The following CCDC66 variants were observed in gnomAD, a reference collection of about 807,000 sequenced individuals.
CCDC66 encodes the protein coiled-coil domain containing 66.
Under a neutral mutation model 128.3 loss-of-function variants are expected in CCDC66, and 133 were observed. The ratio of observed to expected loss-of-function variants is 1.04; its 90% CI spans 0.90 to 1.20. CCDC66 has a LOEUF of 1.20. Ranked by LOEUF, CCDC66 falls within the 50% of genes most tolerant of loss-of-function variation. The pLI is 0.00. For missense variants in CCDC66, 1,126 were observed against 1,075.5 expected (o/e 1.05, Z -0.66); for synonymous variants, 387 against 357.0 (o/e 1.08, Z -0.95).
Position 56,563,839 on chromosome 3 carries a change from A to C in CCDC66, c.258A>C (p.Gly86=). The change falls in exon 4 of 18, where the codon GGA becomes GGC. Residue 86 remains glycine (G), a synonymous_variant. Coordinates refer to ENST00000394672, the MANE Select transcript of CCDC66 (RefSeq NM_001141947.3). ...ETSQAKGEKN[G]MTFSSTKDLC... ...CACAGGCAAAAGGTGAAAAAAATGGAATGACTTTTTCATCCACTAAGGATT... is the reference window on the plus strand; with the variant it reads ...CACAGGCAAAAGGTGAAAAAAATGGCATGACTTTTTCATCCACTAAGGATT... 2 of 1,570,838 alleles carry C rather than the reference A, an allele frequency of 1.3e-6. No individual in the cohort carries two copies. The highest frequency in any genetic ancestry group is 8.6e-7 in the Non-Finnish European group (1 of 1,156,698).
intron 7 of CCDC66, among the ~76,000 whole-genome samples, chr3:56,571,978 C>G (rs867440602): frequency 1.3e-5 from 2 of 152,252 alleles, no homozygotes; most frequent in African/African-American, 4.8e-5. Flanking sequence ...ACCTTGGCCT[C>G]CTGAGTAGCT....
At chr3:56,611,790 C>T (rs550695207) in intron 10 of CCDC66, among the ~76,000 whole-genome samples, 39 of 152,222 alleles carry the variant, frequency 2.6e-4, no homozygotes, top group Middle Eastern at 3.4e-3. Context: ...TCACTGGGCT[C>T]GGCTCTCTAA....
intron 7 of CCDC66, among the ~76,000 whole-genome samples, chr3:56,577,076 G>A (rs1208920092): frequency 2.0e-5 from 3 of 151,804 alleles, no homozygotes; most frequent in Non-Finnish European, 4.4e-5. Context: ...ATCCTCTCTA[G>A]CACCTGTTGT....
chr3:56,615,187 G>A lies in CCDC66; in HGVS notation c.1626G>A (p.Leu542=). 6.2e-7 allele frequency: 1 copy of A among 1,613,982 alleles called. No homozygotes were observed. The highest frequency in any genetic ancestry group is 2.2e-5 in the East Asian group (1 of 44,870). The change falls in exon 12 of 18, where the codon CTG becomes CTA. Residue 542 remains leucine, a synonymous_variant. Transcript: ENST00000394672. ...LFQTMQRAQE[L]AQRLKQEQRI... is the part of the protein sequence containing the mutation. ...AGACAATGCAGCGAGCACAGGAACT[G>A]GCACAGAGACTAAAACAAGAACAAA...
chr3:56,617,769 A>G, intron 14 of CCDC66, 164 bp downstream of exon 14: 1 of 762,110 alleles, frequency 1.3e-6, no homozygotes, highest in African/African-American at 1.8e-5. Flanking sequence ...GTTTTTGGAA[A>G]GTTTTATACG....
At chr3:56,616,364 A>C in intron 13 of CCDC66, 1 of 271,842 alleles carries the variant, frequency 3.7e-6, no homozygotes. Context: ...TCCAGTTAAC[A>C]TTCTGTCTCT....
chr3:56,610,632 G>T (rs539704591), intron 10 of CCDC66, among the ~76,000 whole-genome samples: 2 of 152,260 alleles, frequency 1.3e-5, no homozygotes, highest in African/African-American at 4.8e-5. Context: ...TTTTGGGGGG[G>T]TGTTGACGAG....
In CCDC66 at chr3:56,593,926, A is replaced by C; in HGVS notation, c.1320-18A>C. On this transcript the variant is annotated intron_variant, in intron 9 of 17. Coordinates refer to ENST00000394672, the MANE Select transcript of CCDC66 (RefSeq NM_001141947.3). ...ACCTTTTTGAGGTTTTGAATAGCTA[A>C]TGTATGTATCTTGCCAGCTTTCTCC... The C allele has an allele frequency of 6.2e-7, 1 of 1,613,030 alleles. No individual in the cohort carries two copies. The highest frequency in any genetic ancestry group is 8.5e-7 in the Non-Finnish European group (1 of 1,179,020).
At chr3:56,619,689 A>T in intron 16 of CCDC66, 88 bp from the exon 17 acceptor site, 1 of 1,518,032 alleles carries the variant, frequency 6.6e-7, no homozygotes, top group South Asian at 1.3e-5. Flanking sequence ...CATACTTATT[A>T]TAATGACTCC....
chr3:56,619,244 A>T, intron 15 of CCDC66, 27 bp from the exon 16 acceptor site: 1 of 1,505,022 alleles, frequency 6.6e-7, no homozygotes, highest in East Asian at 2.4e-5. Flanking sequence ...TAAATACACA[A>T]TTTTTTACTA....
At chr3:56,583,984 C>T (rs2068948710) in intron 7 of CCDC66, among the ~76,000 whole-genome samples, 1 of 135,560 alleles carries the variant, frequency 7.4e-6, no homozygotes, top group African/African-American at 2.8e-5. Context: ...CCCCCCACCT[C>T]CCTCCCGGAC....
At chr3:56,567,190 G>C in intron 6 of CCDC66, 137 bp downstream of exon 6, 1 of 589,400 alleles carries the variant, frequency 1.7e-6, no homozygotes, top group East Asian at 3.0e-5. Flanking sequence ...AAGAGATCAA[G>C]ACCATCCTGG....
intron 10 of CCDC66, 125 bp from the exon 11 acceptor site, chr3:56,613,464 A>C: frequency 1.1e-6 from 1 of 937,878 alleles, no homozygotes; most frequent in Non-Finnish European, 1.6e-6. Flanking sequence ...ATGATTGTCT[A>C]CTCATTATTT....
At chr3:56,601,777 TA>T (rs1473017820) in intron 10 of CCDC66, among the ~76,000 whole-genome samples, 1 of 152,054 alleles carries the variant, frequency 6.6e-6, no homozygotes, top group Non-Finnish European at 1.5e-5. Context: ...GTTTGTCTGT[TA>T]TTGGTGTATA....
Position 56,571,207 on chromosome 3 carries a change from GAA to G in CCDC66, c.845_846del (p.Lys282ArgfsTer4). The G allele has an allele frequency of 6.5e-7, 1 of 1,529,890 alleles. No individual in the cohort carries two copies. Among genetic ancestry groups the G allele is most frequent in the Non-Finnish European group, 8.9e-7 (1 of 1,122,448 alleles). The allele number at this position is 1,529,890 out of a possible 1,614,324, so 94.8% of individuals were successfully genotyped here. On this transcript the variant is annotated frameshift_variant, in exon 7 of 18. Transcript: ENST00000394672. LOFTEE classifies it high-confidence loss of function. ...TGAACAGGTTGCTTTAAAGAAGAAA[GAA>G]AAAGAAGTTTCTGAAAAATGGAATG... ...LDEQVALKKKEKEVSEKWNDP... is the reference protein window; with the variant it reads ...LDEQVALKKKXKEVSEKWNDP...
chr3:56,558,069 T>C (rs2064589682), intron 1 of CCDC66: 1 of 152,260 alleles, frequency 6.6e-6, no homozygotes, highest in African/African-American at 2.4e-5. Context: ...TTTCCAGTGT[T>C]TTACCTTTAA....
intron 3 of CCDC66, 99 bp downstream of exon 3, chr3:56,559,693 A>G: frequency 1.1e-6 from 1 of 938,936 alleles, no homozygotes; most frequent in Non-Finnish European, 1.6e-6. Context: ...CAAGTGTTCT[A>G]AGGGGTTTGG....
rs773575893 is a variant in CCDC66 at position 56,571,189 on chromosome 3, G to A, written c.823G>A (p.Val275Ile). ...AAGGACATTATTTACAGATGAACAG[G>A]TTGCTTTAAAGAAGAAAGAAAAAGA... ...AQWRKELDEQ[V>I]ALKKKEKEVS... The change falls in exon 7 of 18, where the codon GTT (valine) becomes ATT (isoleucine). Residue 275 changes from valine (V) to isoleucine (I), a missense_variant. Transcript: ENST00000394672. 1 of 1,515,566 alleles carries A rather than the reference G, an allele frequency of 6.6e-7. No individual in the cohort carries two copies. The highest frequency in any genetic ancestry group is 1.2e-5 in the South Asian group (1 of 83,138). The allele number at this position is 1,515,566 out of a possible 1,614,324, so 93.9% of individuals were successfully genotyped here. A position where few individuals can be genotyped will look rare whatever the true frequency, so the allele number is the denominator to read the frequency against.
chr3:56,609,053 C>T (rs906217065), intron 10 of CCDC66, among the ~76,000 whole-genome samples: 47 of 152,028 alleles, frequency 3.1e-4, no homozygotes, highest in African/African-American at 7.7e-4. Flanking sequence ...GAAAGTTCCA[C>T]GTGCTTTTGA....
Sources: allele counts gnomAD v4.1 joint callset (sites outside exome capture counted in the v4.1 genomes callset), GRCh38; gene constraint gnomAD v4.1.1; transcripts MANE v1.5; gene names NCBI Gene and HGNC (gene_info 2026-07-23, HGNC 2026-07-21).